The following MPP7 variants were observed in gnomAD, a reference collection of about 807,000 sequenced individuals.
MPP7 encodes the protein MAGUK p55 subfamily member 7.
MPP7 carries 60 observed loss-of-function variants against 76.5 expected under a neutral mutation model. The observed-to-expected ratio is 0.78, with a 90% CI of 0.64 to 0.97. The LOEUF (loss-of-function observed/expected upper bound fraction) is 0.97, where lower values mean the gene tolerates loss of function less well. Ranked by LOEUF, MPP7 falls within the 50% of genes least tolerant of loss-of-function variation. MPP7 has a pLI of 0.00. For missense variants in MPP7, 641 were observed against 694.0 expected, an observed-to-expected ratio of 0.92 and a Z score of 0.86; for synonymous variants, 237 against 244.5, an observed-to-expected ratio of 0.97 and a Z score of 0.29.
intron 12 of MPP7, among the ~76,000 whole-genome samples, chr10:28,089,464 G>T (rs992492536): frequency 5.3e-5 from 8 of 152,100 alleles, no homozygotes; most frequent in African/African-American, 1.9e-4. Flanking sequence ...CCACTAAAAC[G>T]ACAGTACCGT....
intron 2 of MPP7, among the ~76,000 whole-genome samples, chr10:28,320,227 G>A (rs184078652): frequency 5.3e-5 from 8 of 152,218 alleles, no homozygotes; most frequent in Admixed American, 3.3e-4. Flanking sequence ...TTCCTTTTGG[G>A]ATGCATCATG....
intron 13 of MPP7, among the ~76,000 whole-genome samples, chr10:28,067,000 A>C (rs1852015864): frequency 6.6e-6 from 1 of 152,164 alleles, no homozygotes; most frequent in Non-Finnish European, 1.5e-5. Context: ...ATAATGACTA[A>C]GAATAGCTCA....
chr10:28,180,033 C>G (rs1036942602), intron 3 of MPP7, among the ~76,000 whole-genome samples: 8 of 152,114 alleles, frequency 5.3e-5, no homozygotes, highest in Admixed American at 3.3e-4. Flanking sequence ...AATTAAAACA[C>G]TAATTGCATA....
intron 2 of MPP7, among the ~76,000 whole-genome samples, chr10:28,311,321 A>AT (rs1440574423): frequency 6.6e-6 from 1 of 152,176 alleles, no homozygotes; most frequent in Non-Finnish European, 1.5e-5. Context: ...ACGGGTGTGA[A>AT]TGACAGCATG....
chr10:28,142,839 G>A (rs548178402), intron 5 of MPP7, among the ~76,000 whole-genome samples: 3 of 152,162 alleles, frequency 2.0e-5, no homozygotes, highest in East Asian at 3.8e-4. Flanking sequence ...GCAGGTGCTC[G>A]AGAAGGTCTG....
chr10:28,142,851 C>T (rs1356868990), intron 5 of MPP7, among the ~76,000 whole-genome samples: 1 of 152,156 alleles, frequency 6.6e-6, no homozygotes, highest in Non-Finnish European at 1.5e-5. Context: ...GAAGGTCTGT[C>T]TTAACAACAA....
intron 3 of MPP7, among the ~76,000 whole-genome samples, chr10:28,167,864 T>C (rs1451619631): frequency 2.0e-5 from 3 of 152,228 alleles, no homozygotes; most frequent in African/African-American, 7.2e-5. Flanking sequence ...AGATCTCTTA[T>C]ATTTTGCCAA....
intron 2 of MPP7, 112 bp downstream of exon 2, chr10:28,238,456 G>A: frequency 8.7e-7 from 1 of 1,147,704 alleles, no homozygotes; most frequent in South Asian, 1.3e-5. Flanking sequence ...TAGTGTTGGT[G>A]ACAGAAAAAC....
At position 28,147,502 on chromosome 10, in the gene MPP7, A is replaced by T. The variant is rs1198126897; in HGVS notation, c.296T>A (p.Leu99Gln). The T allele has an allele frequency of 1.2e-6, 2 of 1,614,006 alleles. No homozygotes were observed. Among genetic ancestry groups the T allele is most frequent in the Admixed American group, 1.7e-5 (1 of 60,018 alleles). ...CCTCACCTTCACATTGGGTTTTGAC[A>T]GTAGTTTCAACAGCTCTCTGATCTC... ...NSEIRELLKL[L>Q]SKPNVKALLS... Residue 99 changes from leucine to glutamine, a missense_variant, in exon 5 of 17, where the codon CTG becomes CAG. Transcript: ENST00000683449.
chr10:28,128,383 C>T (rs1329511591), intron 6 of MPP7, among the ~76,000 whole-genome samples: 1 of 152,148 alleles, frequency 6.6e-6, no homozygotes, highest in Non-Finnish European at 1.5e-5. Flanking sequence ...TTCCTTGGAG[C>T]TCATGTCTGC....
chr10:28,272,254 C>T (rs1366131005), intron 1 of MPP7, among the ~76,000 whole-genome samples: 1 of 152,134 alleles, frequency 6.6e-6, no homozygotes, highest in Admixed American at 6.5e-5. Context: ...AAGTTTCTTC[C>T]TGTTACATAA....
chr10:28,074,738 C>T (rs1852407795), intron 12 of MPP7, among the ~76,000 whole-genome samples: 1 of 152,200 alleles, frequency 6.6e-6, no homozygotes. Flanking sequence ...TACCTTAATA[C>T]AACAAGAACA....
At chr10:28,326,909 C>A (rs148525908) in intron 2 of MPP7, among the ~76,000 whole-genome samples, 1 of 152,120 alleles carries the variant, frequency 6.6e-6, no homozygotes, top group South Asian at 2.1e-4. Flanking sequence ...TGCTTAGATG[C>A]AAGAAAGAGT....
At chr10:28,077,082 C>CCAAA (rs376220513) in intron 12 of MPP7, among the ~76,000 whole-genome samples, 1 of 107,104 alleles carries the variant, frequency 9.3e-6, no homozygotes, top group Admixed American at 8.7e-5. Context: ...TCTCTAACTA[C>CCAAA]AAAAAAAAAA....
chr10:28,314,198 C>T (rs1370378288), intron 2 of MPP7, among the ~76,000 whole-genome samples: 1 of 152,222 alleles, frequency 6.6e-6, no homozygotes, highest in Non-Finnish European at 1.5e-5. Flanking sequence ...TGAGCACCTA[C>T]TATGTGCCAG....
chr10:28,172,626 T>A (rs1289398810), intron 3 of MPP7, among the ~76,000 whole-genome samples: 3 of 152,150 alleles, frequency 2.0e-5, no homozygotes, highest in African/African-American at 7.2e-5. Context: ...GAAAGATAAA[T>A]CTAATAAAGC....
intron 2 of MPP7, among the ~76,000 whole-genome samples, chr10:28,237,962 CAT>C (rs970040994): frequency 5.3e-5 from 8 of 151,962 alleles, no homozygotes; most frequent in Non-Finnish European, 8.8e-5. Flanking sequence ...TTTATGTACA[CAT>C]GTGTGTGTGT....
At chr10:28,109,991 GTTTT>G (rs1023343936) in intron 11 of MPP7, among the ~76,000 whole-genome samples, 3 of 151,088 alleles carry the variant, frequency 2.0e-5, no homozygotes, top group Non-Finnish European at 4.4e-5. Context: ...ATCATGCAGG[GTTTT>G]TTTAATTCCT....
Position 28,104,565 on chromosome 10 carries a change from A to G in MPP7, c.953-14724T>C, listed in dbSNP as rs1588773395. 2.6e-5 allele frequency among the ~76,000 whole-genome samples: 4 copies of G among 152,226 alleles called. No homozygotes were observed. The South Asian group carries it at 8.3e-4, about 32-fold the overall frequency. ...AATTTTCTCAAGCTATTTGTAACAAAGTAACTTTTTAGCAATATATTCTTT... is the reference window on the plus strand; with the variant it reads ...AATTTTCTCAAGCTATTTGTAACAAGGTAACTTTTTAGCAATATATTCTTT... On this transcript the variant is annotated intron_variant, in intron 11 of 16. Coordinates refer to ENST00000683449, the MANE Select transcript of MPP7 (RefSeq NM_001318170.2).
Sources: allele counts gnomAD v4.1 joint callset (sites outside exome capture counted in the v4.1 genomes callset), GRCh38; gene constraint gnomAD v4.1.1; transcripts MANE v1.5; gene names NCBI Gene and HGNC (gene_info 2026-07-23, HGNC 2026-07-21).